PDE1C: variants seen among roughly 807,000 people sequenced by gnomAD.
The protein encoded by PDE1C is phosphodiesterase 1C.
PDE1C carries 62 observed loss-of-function variants against 93.1 expected under a neutral mutation model. The ratio of observed to expected loss-of-function variants is 0.67; its 90% CI spans 0.54 to 0.82. The LOEUF (loss-of-function observed/expected upper bound fraction) is 0.82, where lower values mean the gene tolerates loss of function less well. Among genes scored for constraint, PDE1C ranks in the 40% least tolerant of loss-of-function variants. The pLI is 0.00. For missense variants in PDE1C, 742 were observed against 884.6 expected, an observed-to-expected ratio of 0.84 and a Z score of 2.04; for synonymous variants, 325 against 310.1, an observed-to-expected ratio of 1.05 and a Z score of -0.50.
At chr7:32,400,497 C>T (rs1471987862) in intron 1 of PDE1C, among the ~76,000 whole-genome samples, 1 of 152,218 alleles carries the variant, frequency 6.6e-6, no homozygotes, top group Admixed American at 6.5e-5. Flanking sequence ...AGTTACAATG[C>T]ACATTTCTAG....
At chr7:32,358,132 C>G (rs963608983) in intron 1 of PDE1C, among the ~76,000 whole-genome samples, 3 of 152,156 alleles carry the variant, frequency 2.0e-5, no homozygotes, top group African/African-American at 7.2e-5. Flanking sequence ...CTGTTTTCCT[C>G]CTCCCCTTCC....
At chr7:31,691,677 G>A in the PDE1C span, among the ~76,000 whole-genome samples, 1 of 151,424 alleles carries the variant, frequency 6.6e-6, no homozygotes, top group Admixed American at 6.6e-5. Flanking sequence ...GGAATCCCTA[G>A]GGAGAAAATA....
At chr7:32,303,444 G>A (rs1016632729), upstream of PDE1C, among the ~76,000 whole-genome samples, 6 of 152,226 alleles carry the variant, frequency 3.9e-5, no homozygotes, top group Admixed American at 3.3e-4. Context: ...TCTTAGAACA[G>A]TCCCTGGAAC....
chr7:32,156,715 T>C (rs546043168), intron 3 of PDE1C, among the ~76,000 whole-genome samples: 10 of 152,322 alleles, frequency 6.6e-5, no homozygotes, highest in Non-Finnish European at 4.4e-5. Context: ...TACAGTCAAA[T>C]ATCATCCAAT....
chr7:31,764,418 T>G (rs1345666757), intron 17 of PDE1C, among the ~76,000 whole-genome samples: 3 of 152,146 alleles, frequency 2.0e-5, no homozygotes, highest in Admixed American at 6.6e-5. Flanking sequence ...GTACTGGGAT[T>G]ACAGACATGA....
intron 2 of PDE1C, among the ~76,000 whole-genome samples, chr7:31,988,649 G>C (rs1313671507): frequency 6.6e-6 from 1 of 152,136 alleles, no homozygotes; most frequent in Non-Finnish European, 1.5e-5. Flanking sequence ...CTTGAGCCCA[G>C]GAGTTCCAGT....
chr7:32,008,384 C>A (rs1488609458), intron 2 of PDE1C, among the ~76,000 whole-genome samples: 1 of 152,174 alleles, frequency 6.6e-6, no homozygotes, highest in Non-Finnish European at 1.5e-5. Context: ...TAGGCACGTT[C>A]CATTAAGGAT....
intron 1 of PDE1C, among the ~76,000 whole-genome samples, chr7:32,339,490 T>C (rs1783703611): frequency 6.6e-6 from 1 of 152,218 alleles, no homozygotes; most frequent in African/African-American, 2.4e-5. Flanking sequence ...AAAGGTTAGA[T>C]GATACATTTT....
chr7:32,080,745 C>A (rs1334389162), intron 3 of PDE1C, among the ~76,000 whole-genome samples: 1 of 152,124 alleles, frequency 6.6e-6, no homozygotes, highest in African/African-American at 2.4e-5. Flanking sequence ...CCCTGTGATT[C>A]TCAGAAGTGA....
At chr7:32,015,313 G>A (rs1787740532) in intron 2 of PDE1C, among the ~76,000 whole-genome samples, 1 of 151,276 alleles carries the variant, frequency 6.6e-6, no homozygotes, top group African/African-American at 2.4e-5. Flanking sequence ...AAAAACCACA[G>A]GGAGGAAAAT....
At chr7:32,269,729 C>T (rs1054966193) in intron 1 of PDE1C, among the ~76,000 whole-genome samples, 1 of 152,096 alleles carries the variant, frequency 6.6e-6, no homozygotes, top group Non-Finnish European at 1.5e-5. Flanking sequence ...CTGTCCGCCT[C>T]GGCCTCCCAA....
intron 2 of PDE1C, among the ~76,000 whole-genome samples, chr7:32,175,519 G>A (rs953610163): frequency 2.6e-5 from 4 of 152,118 alleles, no homozygotes; most frequent in Non-Finnish European, 4.4e-5. Flanking sequence ...GACTGATCAG[G>A]GTGGTGTTGC....
intron 1 of PDE1C, among the ~76,000 whole-genome samples, chr7:32,268,362 G>A (rs1359278721): frequency 6.6e-6 from 1 of 152,064 alleles, no homozygotes; most frequent in Non-Finnish European, 1.5e-5. Context: ...CACATCTCCC[G>A]CCTCAGTTTC....
chr7:31,923,557 G>A (rs1437036320), intron 2 of PDE1C, among the ~76,000 whole-genome samples: 2 of 152,164 alleles, frequency 1.3e-5, no homozygotes, highest in Non-Finnish European at 2.9e-5. Flanking sequence ...ATTATACAAA[G>A]TTAAAATGAC....
At chr7:31,957,102 A>T (rs1328310681) in intron 2 of PDE1C, among the ~76,000 whole-genome samples, 1 of 151,454 alleles carries the variant, frequency 6.6e-6, no homozygotes, top group Non-Finnish European at 1.5e-5. Context: ...ATTGCTCTGT[A>T]TTAAAACCAC....
At chr7:31,988,699 A>G (rs1783734764) in intron 2 of PDE1C, among the ~76,000 whole-genome samples, 2 of 152,166 alleles carry the variant, frequency 1.3e-5, no homozygotes, top group Admixed American at 6.5e-5. Context: ...GTCTCTTATA[A>G]AAACAAATAA....
chr7:32,133,068 A>C (rs538003485), intron 3 of PDE1C, among the ~76,000 whole-genome samples: 22 of 152,280 alleles, frequency 1.4e-4, no homozygotes, highest in South Asian at 1.2e-3. Context: ...CATGCATTAG[A>C]AGTATTAAAT....
intron 3 of PDE1C, among the ~76,000 whole-genome samples, chr7:32,081,977 G>A (rs575631069): frequency 6.6e-6 from 1 of 152,308 alleles, no homozygotes; most frequent in South Asian, 2.1e-4. Context: ...GAGGTACCAG[G>A]TTCATCTCAC....
At chr7:32,297,520 A>G (rs1187739562) in intron 1 of PDE1C, among the ~76,000 whole-genome samples, 1 of 152,078 alleles carries the variant, frequency 6.6e-6, no homozygotes, top group African/African-American at 2.4e-5. Flanking sequence ...CTCACCTCCA[A>G]GGAAGATGTG....
Sources: gnomAD v4.1 joint callset for allele counts (sites outside exome capture counted in the v4.1 genomes callset) on GRCh38, gnomAD v4.1.1 for gene constraint, MANE v1.5 for transcripts, NCBI Gene and HGNC (gene_info 2026-07-23, HGNC 2026-07-21) for gene names.